The following GRXCR1 variants were observed in gnomAD, a reference collection of about 807,000 sequenced individuals.
The protein encoded by GRXCR1 is glutaredoxin domain-containing cysteine-rich protein 1.
A neutral mutation model predicts 27.3 loss-of-function variants in GRXCR1; 27 were observed. The observed-to-expected ratio is 0.99, with a 90% CI of 0.73 to 1.37. GRXCR1 has a LOEUF of 1.37. Among genes scored for constraint, GRXCR1 ranks in the 40% most tolerant of loss-of-function variants. GRXCR1 has a pLI of 0.00. For synonymous variants in GRXCR1, 122 were observed against 131.1 expected (o/e 0.93, Z 0.47); for missense variants, 379 against 354.4 (o/e 1.07, Z -0.56).
chr4:42,912,874 T>A (rs990863163), intron 1 of GRXCR1, among the ~76,000 whole-genome samples: 2 of 152,126 alleles, frequency 1.3e-5, no homozygotes, highest in Non-Finnish European at 2.9e-5. Flanking sequence ...GATAATTGAA[T>A]CATGGGAGCA....
chr4:42,903,617 C>T (rs1170254515), intron 1 of GRXCR1, among the ~76,000 whole-genome samples: 1 of 147,936 alleles, frequency 6.8e-6, no homozygotes. Context: ...CAAGGCTCTT[C>T]CTCTAATTAT....
chr4:42,992,950 A>C (rs1011945166), intron 2 of GRXCR1, among the ~76,000 whole-genome samples: 2 of 151,954 alleles, frequency 1.3e-5, no homozygotes, highest in African/African-American at 4.8e-5. Context: ...GGAGAAAAAA[A>C]TAAAAATGTA....
At chr4:43,004,720 G>C (rs1184322203) in intron 2 of GRXCR1, among the ~76,000 whole-genome samples, 5 of 152,204 alleles carry the variant, frequency 3.3e-5, no homozygotes, top group Non-Finnish European at 5.9e-5. Context: ...TTTGGCCAAA[G>C]TCTCCCATTT....
intron 2 of GRXCR1, among the ~76,000 whole-genome samples, chr4:42,968,881 T>C (rs17450359): frequency 0.11 from 16,460 of 152,148 alleles, 1,230 homozygotes; most frequent in Middle Eastern, 0.24. Flanking sequence ...GTCACATTGA[T>C]AGGCTTAAAA....
rs1195147544 is a variant in GRXCR1 at position 43,030,597 on chromosome 4, T to A, written c.*57T>A. The stretch of plus-strand genomic sequence containing the variant: ...TATTAATCAAAGGCAATACTTTGGT[T>A]TATATATATATTTTTAAATGGTTAT... On this transcript the variant is annotated 3_prime_UTR_variant, in exon 4 of 4. Transcript: ENST00000399770. 1.5e-6 allele frequency: 2 copies of A among 1,300,408 alleles called. No homozygotes were observed. The highest frequency in any genetic ancestry group is 2.3e-5 in the East Asian group (1 of 42,692). The allele number at this position is 1,300,408 out of a possible 1,614,324, so 80.6% of individuals were successfully genotyped here.
rs1157225950 is a variant in GRXCR1 at position 42,993,679 on chromosome 4, G to A, written c.628-26675G>A. 2.0e-5 allele frequency among the ~76,000 whole-genome samples: 3 copies of A among 152,170 alleles called. No homozygotes were observed. In the East Asian group the frequency reaches 5.8e-4, roughly 29 times the overall value. On this transcript the variant is annotated intron_variant, in intron 2 of 3. Transcript: ENST00000399770. ...TTGAATACTGTACTGAAAGTGAAAA[G>A]CGTAATCGGGTTGTATGAGTACTTG...
chr4:42,908,189 C>G (rs1289195382), intron 1 of GRXCR1, among the ~76,000 whole-genome samples: 1 of 152,174 alleles, frequency 6.6e-6, no homozygotes, highest in Non-Finnish European at 1.5e-5. Context: ...TCTGAACCTG[C>G]TTGAGCCTGA....
intron 1 of GRXCR1, among the ~76,000 whole-genome samples, chr4:42,960,484 TC>T (rs746372842): frequency 6.6e-6 from 1 of 151,920 alleles, no homozygotes; most frequent in Non-Finnish European, 1.5e-5. Flanking sequence ...TGTTTCTAAA[TC>T]AAAACATAGT....
chr4:42,909,082 A>C (rs1746660670), intron 1 of GRXCR1, among the ~76,000 whole-genome samples: 1 of 152,184 alleles, frequency 6.6e-6, no homozygotes, highest in Admixed American at 6.5e-5. Context: ...GAACAGGAGA[A>C]TCACAACTGC....
chr4:42,957,048 TTTG>T (rs1748020975), intron 1 of GRXCR1, among the ~76,000 whole-genome samples: 1 of 152,082 alleles, frequency 6.6e-6, no homozygotes, highest in Non-Finnish European at 1.5e-5. Context: ...AGAAATAACA[TTTG>T]AAGAGTGTCA....
intron 2 of GRXCR1, among the ~76,000 whole-genome samples, chr4:42,982,208 C>T (rs1748690175): frequency 1.4e-5 from 2 of 147,146 alleles, no homozygotes; most frequent in South Asian, 2.3e-4. Context: ...CTCCCCCCTC[C>T]CCCTACCCCA....
rs192880928 is a variant in GRXCR1, at chr4:43,028,671, G to A, written c.694-1690G>A. Among the ~76,000 whole-genome samples, 10 of 152,232 alleles carry A rather than the reference G, an allele frequency of 6.6e-5. No homozygotes were observed. In the East Asian group the frequency reaches 1.9e-3, roughly 29 times the overall value. On this transcript the variant is annotated intron_variant, in intron 3 of 3. Coordinates refer to ENST00000399770, the MANE Select transcript of GRXCR1 (RefSeq NM_001080476.3). ...AATTTTCTCATATTTAGCTTTTAAA[G>A]TACACTATTTTTCCATCATTGGGTT...
At chr4:42,909,020 CAT>C (rs1198473270) in intron 1 of GRXCR1, among the ~76,000 whole-genome samples, 1 of 152,156 alleles carries the variant, frequency 6.6e-6, no homozygotes, top group Non-Finnish European at 1.5e-5. Context: ...GCAAACAAGA[CAT>C]AGGGTTTATT....
intron 2 of GRXCR1, among the ~76,000 whole-genome samples, chr4:43,013,855 T>C (rs9968272): frequency 0.065 from 9,931 of 152,120 alleles, 1,024 homozygotes; most frequent in African/African-American, 0.22. Context: ...CTTTCTGCCA[T>C]AGAGAAGCAA....
intron 1 of GRXCR1, among the ~76,000 whole-genome samples, chr4:42,924,450 G>A (rs545469600): frequency 9.2e-5 from 14 of 151,990 alleles, no homozygotes; most frequent in Non-Finnish European, 1.6e-4. Flanking sequence ...GAAAGCAGAG[G>A]CTCAGAAAAT....
intron 2 of GRXCR1, among the ~76,000 whole-genome samples, chr4:42,975,312 C>A (rs1473926776): frequency 6.6e-6 from 1 of 152,094 alleles, no homozygotes; most frequent in Non-Finnish European, 1.5e-5. Flanking sequence ...TTTATTGTCA[C>A]CTCCTGGGTT....
chr4:42,895,236 A>G (rs1391208928), intron 1 of GRXCR1, among the ~76,000 whole-genome samples: 1 of 152,132 alleles, frequency 6.6e-6, no homozygotes, highest in African/African-American at 2.4e-5. Context: ...ATATTTTTCT[A>G]TGCATAGTTC....
At chr4:42,927,953 G>T (rs1247826909) in intron 1 of GRXCR1, among the ~76,000 whole-genome samples, 1 of 151,972 alleles carries the variant, frequency 6.6e-6, no homozygotes, top group Non-Finnish European at 1.5e-5. Context: ...AACCAAACTT[G>T]CTTGAGCTTA....
intron 2 of GRXCR1, among the ~76,000 whole-genome samples, chr4:42,998,125 C>T (rs1468521999): frequency 2.0e-5 from 3 of 152,112 alleles, no homozygotes; most frequent in Admixed American, 2.0e-4. Context: ...GCTGGGTGAG[C>T]CTCATTTCAC....
Sources: allele counts gnomAD v4.1 joint callset (sites outside exome capture counted in the v4.1 genomes callset), GRCh38; gene constraint gnomAD v4.1.1; transcripts MANE v1.5; gene names NCBI Gene and HGNC (gene_info 2026-07-23, HGNC 2026-07-21).